The following PHLDB1 variants were observed in gnomAD, a reference collection of about 807,000 sequenced individuals.
PHLDB1 encodes pleckstrin homology like domain family B member 1, also known as pleckstrin homology-like domain family B member 1.
PHLDB1 carries 65 observed loss-of-function variants against 139.3 expected under a neutral mutation model. That is an observed-to-expected ratio of 0.47 (90% confidence interval 0.38 to 0.57). The LOEUF is 0.57. Ranked by LOEUF, PHLDB1 falls within the 20% of genes least tolerant of loss-of-function variation. PHLDB1 has a pLI of 0.00. For synonymous variants in PHLDB1, 679 were observed against 734.5 expected (o/e 0.92, Z 1.22); for missense variants, 1,624 against 1,839.7 (o/e 0.88, Z 2.14).
chr11:118,644,642 G>T, intron 15 of PHLDB1: 1 of 1,288,506 alleles, frequency 7.8e-7, no homozygotes, highest in South Asian at 1.2e-5. Context: ...GGTCCCCCAC[G>T]CCAGTCGAGT....
intron 12 of PHLDB1, chr11:118,641,812 C>G: frequency 7.8e-7 from 1 of 1,276,126 alleles, no homozygotes; most frequent in Non-Finnish European, 1.0e-6. Context: ...TCTTGCTACC[C>G]CCACCCATGA....
At position 118,628,051 on chromosome 11, in the gene PHLDB1, C is replaced by A. The variant is rs782369213; in HGVS notation, c.1228C>A (p.Pro410Thr). The change falls in exon 6 of 23, where the codon CCA (proline) becomes ACA (threonine). Residue 410 changes from proline to threonine, a missense_variant. Transcript: ENST00000600882. ...CCCTCCCAGCCCTTTCCGTGAGCCT[C>A]CAGGCAGTGAGCGGGTGCTAACAAC... Reference protein sequence around the residue: ...DRPPSPFREPPGSERVLTTSP... With the variant: ...DRPPSPFREPTGSERVLTTSP... The A allele has an allele frequency of 2.5e-6, 4 of 1,613,900 alleles. No individual in the cohort carries two copies. In the African/African-American group the frequency reaches 5.3e-5, roughly 22 times the overall value.
At chr11:118,617,527 A>G (rs1240097516) in intron 4 of PHLDB1, among the ~76,000 whole-genome samples, 8 of 151,720 alleles carry the variant, frequency 5.3e-5, no homozygotes, top group Admixed American at 3.3e-4. Context: ...GTGCAGTGGC[A>G]TGATCTCGGC....
intron 12 of PHLDB1, 83 bp from the exon 13 acceptor site, chr11:118,642,171 C>G: frequency 1.5e-6 from 2 of 1,300,904 alleles, no homozygotes; most frequent in East Asian, 4.6e-5. Flanking sequence ...CTTCTCCTGC[C>G]TTTTCCTTTC....
chr11:118,629,193 C>T (rs1232298833), intron 6 of PHLDB1, among the ~76,000 whole-genome samples: 1 of 152,236 alleles, frequency 6.6e-6, no homozygotes, highest in Non-Finnish European at 1.5e-5. Context: ...TGGGTGGGAG[C>T]TGCTCATCCT....
Position 118,608,410 on chromosome 11 carries a change from G to C in PHLDB1, c.-22+711G>C, listed in dbSNP as rs1197689316. Among the ~76,000 whole-genome samples the C allele has an allele frequency of 6.6e-6, 1 of 152,200 alleles. No homozygotes were observed. The highest frequency in any genetic ancestry group is 1.5e-5 in the Non-Finnish European group (1 of 68,022). ...AGCGGAGGCTGACCCAAGTCATCCG[G>C]GCTCCCCCGGGATAGGGAAGTGCGG... On this transcript the variant is annotated intron_variant, in intron 1 of 22. Coordinates refer to ENST00000600882, the MANE Select transcript of PHLDB1 (RefSeq NM_001144758.3). This position sits in a 1 kb window ranked among gnomAD's most constrained non-coding sequence, Gnocchi z 6.7.
In PHLDB1 at chr11:118,655,196, A is replaced by T. The variant is rs1555140795; in HGVS notation, c.3875-409A>T. 7 of 172,196 alleles carry T rather than the reference A, an allele frequency of 4.1e-5. No homozygotes were observed. The South Asian group carries it at 1.0e-3, about 25-fold the overall frequency. 10.7% of individuals were successfully genotyped at this position (172,196 alleles called of 1,614,324 possible). Reference sequence around the variant, plus strand: ...GTATATGTGAAAGAGAAATTCTCCTAAATGTAAGCATTGGATCAAAAGATA... The same window carrying T: ...GTATATGTGAAAGAGAAATTCTCCTTAATGTAAGCATTGGATCAAAAGATA... On this transcript the variant is annotated intron_variant, in intron 20 of 22. Transcript: ENST00000600882.
chr11:118,643,366 C>A, intron 13 of PHLDB1: 1 of 210,544 alleles, frequency 4.7e-6, no homozygotes, highest in Non-Finnish European at 8.2e-6. Context: ...GGGAGCTTGG[C>A]CATTATTTAG....
chr11:118,613,603 G>A, intron 1 of PHLDB1: 1 of 623,560 alleles, frequency 1.6e-6, no homozygotes, highest in Admixed American at 3.3e-5. Flanking sequence ...GGGCAGGACT[G>A]GTATCCATGC....
rs1939449163 is a variant in PHLDB1, at chr11:118,608,031, G to A, written c.-22+332G>A. Among the ~76,000 whole-genome samples, 1 of 152,100 alleles carries A rather than the reference G, an allele frequency of 6.6e-6. No individual in the cohort carries two copies. The highest frequency in any genetic ancestry group is 2.4e-5 in the African/African-American group (1 of 41,436). On this transcript the variant is annotated intron_variant, in intron 1 of 22. Coordinates refer to ENST00000600882, the MANE Select transcript of PHLDB1 (RefSeq NM_001144758.3). The surrounding 1 kb of genome is among the most constrained non-coding windows in gnomAD (Gnocchi z 6.7). ...CTCCCGCCGGCACCCAGGCGGCCGG[G>A]CGGACACTCGCGGGGTATCGGGCGG... is the stretch of plus-strand genomic sequence containing the variant.
chr11:118,616,102 A>C lies in PHLDB1; in HGVS notation c.246A>C (p.Pro82=). ...DISLQGPGLA[P]EHCYIENLRG... Reference sequence around the variant, plus strand: ...CACTACAGGGCCCAGGCCTGGCTCCAGAGCACTGCTACATCGAGAACCTGC... The same window carrying C: ...CACTACAGGGCCCAGGCCTGGCTCCCGAGCACTGCTACATCGAGAACCTGC... The change falls in exon 4 of 23, where the codon CCA becomes CCC. Residue 82 remains proline, a synonymous_variant. Transcript: ENST00000600882. The C allele has an allele frequency of 6.2e-7, 1 of 1,614,102 alleles. No homozygotes were observed. The highest frequency in any genetic ancestry group is 8.5e-7 in the Non-Finnish European group (1 of 1,179,938).
chr11:118,613,336 A>T (rs1415487501), intron 1 of PHLDB1: 1 of 986,420 alleles, frequency 1.0e-6, no homozygotes, highest in Non-Finnish European at 1.2e-6. Context: ...CAAATGGTGA[A>T]GAGGAGAATG....
At chr11:118,609,602 C>T (rs911990907) in intron 1 of PHLDB1, among the ~76,000 whole-genome samples, 21 of 152,360 alleles carry the variant, frequency 1.4e-4, no homozygotes, top group African/African-American at 5.1e-4. Flanking sequence ...ACACATTCAG[C>T]CGCCCTTCCC....
rs1447596738 is a variant in PHLDB1, at chr11:118,632,321, G to A, written c.2379+25G>A. ...GGTAACCCACACCTGGCCCAGCTTA[G>A]TGCTGGGTACCAGTGGCCTGGGAGA... On this transcript the variant is annotated intron_variant, in intron 9 of 22. Transcript: ENST00000600882. This position sits in a 1 kb window ranked among gnomAD's most constrained non-coding sequence, Gnocchi z 5.9. 1 of 1,610,496 alleles carries A rather than the reference G, an allele frequency of 6.2e-7. No homozygotes were observed. Among genetic ancestry groups the A allele is most frequent in the African/African-American group, 1.3e-5 (1 of 74,844 alleles).
At chr11:118,646,035 C>T (rs1435215800) in intron 17 of PHLDB1, among the ~76,000 whole-genome samples, 6 of 152,098 alleles carry the variant, frequency 3.9e-5, no homozygotes, top group South Asian at 4.1e-4. Flanking sequence ...CCGAGGCAGG[C>T]GGATCACGAG....
Position 118,627,780 on chromosome 11 carries a change from T to C in PHLDB1, c.957T>C (p.His319=). 1.9e-6 allele frequency: 3 copies of C among 1,606,062 alleles called. No homozygotes were observed. The highest frequency in any genetic ancestry group is 2.2e-5 in the South Asian group (2 of 91,052). Residue 319 remains histidine (H), a synonymous_variant, in exon 6 of 23, where the codon CAT becomes CAC. Coordinates refer to ENST00000600882, the MANE Select transcript of PHLDB1 (RefSeq NM_001144758.3). ...ESPRLSRKGG[H]ERPPSPGLRG... The stretch of plus-strand genomic sequence containing the variant: ...CTCGGCTGAGCAGGAAAGGGGGCCA[T>C]GAGAGGCCTCCCAGCCCTGGCCTCC...
At chr11:118,630,047 G>GTT in intron 6 of PHLDB1, 1 of 522,404 alleles carries the variant, frequency 1.9e-6, no homozygotes, top group African/African-American at 4.1e-5. Context: ...TTTTTTTTTT[G>GTT]CCATGGAACT....
chr11:118,606,864 T>C (rs1273057679), upstream of PHLDB1, among the ~76,000 whole-genome samples: 2 of 152,218 alleles, frequency 1.3e-5, no homozygotes, highest in African/African-American at 4.8e-5. Context: ...CAATCTGTAA[T>C]CCAGCAAGTC....
intron 3 of PHLDB1, among the ~76,000 whole-genome samples, chr11:118,615,794 G>A (rs1158455970): frequency 6.6e-6 from 1 of 152,234 alleles, no homozygotes; most frequent in African/African-American, 2.4e-5. Flanking sequence ...AGGTCCTACT[G>A]TGTGCTGTCT....
Sources: allele counts gnomAD v4.1 joint callset (sites outside exome capture counted in the v4.1 genomes callset), GRCh38; gene constraint gnomAD v4.1.1; non-coding constraint Gnocchi (gnomAD v3.1); transcripts MANE v1.5; gene names NCBI Gene and HGNC (gene_info 2026-07-23, HGNC 2026-07-21).